The following EIF5B variants were observed in gnomAD, a reference collection of about 807,000 sequenced individuals.
The protein encoded by EIF5B is eIF-5B.
EIF5B carries 47 observed loss-of-function variants against 147.5 expected under a neutral mutation model. The observed-to-expected ratio is 0.32, with a 90% CI of 0.25 to 0.41. EIF5B has a LOEUF of 0.41. Ranked by LOEUF, EIF5B falls within the 10% of genes least tolerant of loss-of-function variation. EIF5B has a pLI of 1.00. For missense variants in EIF5B, 1,064 were observed against 1,413.2 expected, an observed-to-expected ratio of 0.75 and a Z score of 3.96; for synonymous variants, 455 against 456.2, an observed-to-expected ratio of 1.00 and a Z score of 0.03.
intron 22 of EIF5B, 126 bp from the exon 23 acceptor site, chr2:99,398,622 A>T: frequency 1.0e-6 from 1 of 974,746 alleles, no homozygotes; most frequent in Non-Finnish European, 1.5e-6. Flanking sequence ...GAGTGATGAA[A>T]GGATCGCACT....
intron 12 of EIF5B, among the ~76,000 whole-genome samples, chr2:99,380,120 T>C (rs189047328): frequency 7.2e-5 from 11 of 152,358 alleles, no homozygotes; most frequent in African/African-American, 2.6e-4. Flanking sequence ...GATTATTCAG[T>C]GATGGCTTAT....
In EIF5B at chr2:99,366,318, A is replaced by AG. The variant is rs1298146801; in HGVS notation, c.1288+1899dup. Reference sequence around the variant, plus strand: ...TAGGGTGTTATTGGGACCACCCTTCAGGTAATCCAGCCTACAGTTTCCCCT... The same window carrying AG: ...TAGGGTGTTATTGGGACCACCCTTCAGGGTAATCCAGCCTACAGTTTCCCCT... On this transcript the variant is annotated intron_variant, in intron 6 of 23. Coordinates refer to ENST00000289371, the MANE Select transcript of EIF5B (RefSeq NM_015904.4). Among the ~76,000 whole-genome samples the AG allele has an allele frequency of 7.9e-5, 12 of 152,206 alleles. No individual in the cohort carries two copies. The East Asian group carries it at 2.1e-3, about 27-fold the overall frequency.
At chr2:99,378,623 A>G (rs1274173722) in intron 10 of EIF5B, among the ~76,000 whole-genome samples, 1 of 152,208 alleles carries the variant, frequency 6.6e-6, no homozygotes, top group Non-Finnish European at 1.5e-5. Context: ...AAAATGTACA[A>G]GTTCACCTGT....
chr2:99,347,766 T>G (rs1225364507), intron 1 of EIF5B, among the ~76,000 whole-genome samples: 1 of 152,154 alleles, frequency 6.6e-6, no homozygotes, highest in African/African-American at 2.4e-5. Flanking sequence ...ACAAAAAGGT[T>G]TAATTTACCT....
At chr2:99,343,224 G>C (rs1286811988) in intron 1 of EIF5B, among the ~76,000 whole-genome samples, 1 of 151,484 alleles carries the variant, frequency 6.6e-6, no homozygotes, top group African/African-American at 2.4e-5. Context: ...CCAAAGTGCT[G>C]GGATCATAGG....
chr2:99,342,938 T>C (rs767435853), intron 1 of EIF5B, among the ~76,000 whole-genome samples: 9 of 151,440 alleles, frequency 5.9e-5, no homozygotes, highest in Non-Finnish European at 1.2e-4. Flanking sequence ...CTGGCCTGGG[T>C]TGTCTTTTTC....
At chr2:99,342,703 C>A (rs913920687) in intron 1 of EIF5B, among the ~76,000 whole-genome samples, 2 of 152,032 alleles carry the variant, frequency 1.3e-5, no homozygotes, top group Non-Finnish European at 2.9e-5. Context: ...GTGATCATCG[C>A]TCCCTGTAAC....
chr2:99,337,724 G>C (rs1275582806), intron 1 of EIF5B, 135 bp downstream of exon 1: 1 of 1,186,878 alleles, frequency 8.4e-7, no homozygotes, highest in Non-Finnish European at 1.1e-6. Flanking sequence ...GGCCCAGAGT[G>C]TGCGGAGCGG....
chr2:99,355,770 G>A (rs527523906), intron 1 of EIF5B, among the ~76,000 whole-genome samples: 34 of 151,778 alleles, frequency 2.2e-4, no homozygotes, highest in Non-Finnish European at 3.8e-4. Flanking sequence ...GTGCCACCAC[G>A]TCCAGCTAAT....
At chr2:99,345,105 G>A (rs1157224730) in intron 1 of EIF5B, among the ~76,000 whole-genome samples, 1 of 152,206 alleles carries the variant, frequency 6.6e-6, no homozygotes, top group Non-Finnish European at 1.5e-5. Flanking sequence ...TTAAACTAGC[G>A]TTTCAATTTA....
chr2:99,343,083 C>T (rs899467552), intron 1 of EIF5B, among the ~76,000 whole-genome samples: 21 of 151,784 alleles, frequency 1.4e-4, no homozygotes, highest in South Asian at 2.1e-4. Context: ...GCCTCAGCCT[C>T]CCAAGTGGCT....
intron 1 of EIF5B, among the ~76,000 whole-genome samples, chr2:99,339,681 A>T (rs2094255341): frequency 6.6e-6 from 1 of 151,966 alleles, no homozygotes; most frequent in Admixed American, 6.6e-5. Context: ...ATGTTTCCCT[A>T]CTTACACTTT....
chr2:99,396,717 A>T, intron 21 of EIF5B, 43 bp from the exon 22 acceptor site: 1 of 1,555,836 alleles, frequency 6.4e-7, no homozygotes, highest in Non-Finnish European at 8.6e-7. Context: ...TTTATGTTTA[A>T]GTGATTCTGT....
At chr2:99,368,162 A>G (rs1674368523) in intron 6 of EIF5B, among the ~76,000 whole-genome samples, 1 of 152,216 alleles carries the variant, frequency 6.6e-6, no homozygotes, top group Non-Finnish European at 1.5e-5. Context: ...TTTTGGTTGG[A>G]GAACAGATCA....
chr2:99,356,667 T>A (rs1674102594), intron 1 of EIF5B, among the ~76,000 whole-genome samples: 1 of 152,262 alleles, frequency 6.6e-6, no homozygotes, highest in African/African-American at 2.4e-5. Flanking sequence ...GTGTGTTTGT[T>A]TTTTGTTTTT....
At chr2:99,381,119 C>A (rs1674678513) in intron 12 of EIF5B, among the ~76,000 whole-genome samples, 1 of 152,056 alleles carries the variant, frequency 6.6e-6, no homozygotes, top group South Asian at 2.1e-4. Context: ...TATTTTAGAA[C>A]AGTTTTCTTG....
chr2:99,349,779 C>T (rs868288792), intron 1 of EIF5B, among the ~76,000 whole-genome samples: 23 of 152,180 alleles, frequency 1.5e-4, no homozygotes, highest in African/African-American at 4.3e-4. Flanking sequence ...ATATCTATCA[C>T]GTCAAACACT....
intron 1 of EIF5B, among the ~76,000 whole-genome samples, chr2:99,345,760 C>T (rs781519579): frequency 4.0e-5 from 6 of 151,624 alleles, no homozygotes; most frequent in East Asian, 3.9e-4. Context: ...GCCCGTGCAA[C>T]GTGGGGAGAC....
chr2:99,340,421 T>C (rs970450968), intron 1 of EIF5B, among the ~76,000 whole-genome samples: 1 of 152,200 alleles, frequency 6.6e-6, no homozygotes, highest in African/African-American at 2.4e-5. Flanking sequence ...AAGATTTTAC[T>C]GTCATTCCAC....
Sources: gnomAD v4.1 joint callset for allele counts (sites outside exome capture counted in the v4.1 genomes callset) on GRCh38, gnomAD v4.1.1 for gene constraint, MANE v1.5 for transcripts, NCBI Gene and HGNC (gene_info 2026-07-23, HGNC 2026-07-21) for gene names.